NOL4: variants seen among roughly 807,000 people sequenced by gnomAD.
NOL4 encodes nucleolar protein 4.
In NOL4, 17 loss-of-function variants were observed where a neutral mutation model predicts 75.9. The observed-to-expected ratio is 0.22, with a 90% CI of 0.15 to 0.34. The LOEUF (loss-of-function observed/expected upper bound fraction) is 0.34, where lower values mean the gene tolerates loss of function less well. NOL4 is among the 10% of genes least tolerant of loss of function. The pLI is 1.00. For missense variants in NOL4, 614 were observed against 793.5 expected, an observed-to-expected ratio of 0.77 and a Z score of 2.72; for synonymous variants, 292 against 289.9, an observed-to-expected ratio of 1.01 and a Z score of -0.07.
intron 2 of NOL4, among the ~76,000 whole-genome samples, chr18:34,108,074 G>A (rs1412741747): frequency 6.6e-6 from 1 of 152,104 alleles, no homozygotes; most frequent in East Asian, 1.9e-4. Context: ...CTAGCAACAG[G>A]CCCTCCATTA....
intron 9 of NOL4, among the ~76,000 whole-genome samples, chr18:33,925,327 T>G (rs866229814): frequency 6.6e-6 from 1 of 152,136 alleles, no homozygotes; most frequent in Admixed American, 6.6e-5. Flanking sequence ...AAATAAATGA[T>G]AGTTGACAAA....
chr18:34,052,293 A>C (rs965431050), intron 5 of NOL4, among the ~76,000 whole-genome samples: 2 of 152,034 alleles, frequency 1.3e-5, no homozygotes, highest in Non-Finnish European at 2.9e-5. Flanking sequence ...GTTGATCTAT[A>C]AAAGTAAAAG....
At chr18:33,995,682 C>T (rs1299314083) in intron 6 of NOL4, among the ~76,000 whole-genome samples, 2 of 151,758 alleles carry the variant, frequency 1.3e-5, no homozygotes, top group Non-Finnish European at 2.9e-5. Context: ...TCTTCATTGA[C>T]TGAATGGTTA....
chr18:34,103,109 G>A (rs1204768708), intron 4 of NOL4, among the ~76,000 whole-genome samples: 1 of 152,004 alleles, frequency 6.6e-6, no homozygotes, highest in African/African-American at 2.4e-5. Context: ...AATTTTAAAA[G>A]AATGCAATCA....
chr18:34,086,559 T>C (rs1306015102), intron 5 of NOL4, among the ~76,000 whole-genome samples: 2 of 152,310 alleles, frequency 1.3e-5, no homozygotes, highest in East Asian at 3.8e-4. Flanking sequence ...TTTTATTAGA[T>C]TTTCCAATGA....
At chr18:33,867,059 C>T (rs1040015581) in intron 10 of NOL4, among the ~76,000 whole-genome samples, 7 of 152,122 alleles carry the variant, frequency 4.6e-5, no homozygotes, top group African/African-American at 1.7e-4. Flanking sequence ...AATTCAACTT[C>T]ATTTCTCCTG....
chr18:33,881,759 C>T (rs1177329218), intron 10 of NOL4, among the ~76,000 whole-genome samples: 4 of 152,070 alleles, frequency 2.6e-5, no homozygotes, highest in Non-Finnish European at 5.9e-5. Flanking sequence ...CAATCCTAAG[C>T]CAAAAGAACA....
chr18:33,932,611 G>A (rs1054715771), intron 9 of NOL4, among the ~76,000 whole-genome samples: 2 of 151,896 alleles, frequency 1.3e-5, no homozygotes, highest in Non-Finnish European at 2.9e-5. Flanking sequence ...AAAAAATGAG[G>A]TGGTGGAATT....
intron 1 of NOL4, among the ~76,000 whole-genome samples, chr18:34,199,779 G>A (rs999365888): frequency 1.3e-5 from 2 of 151,816 alleles, no homozygotes; most frequent in Admixed American, 1.3e-4. Flanking sequence ...TGAATTCTAG[G>A]AGGTAGGAAG....
intron 9 of NOL4, among the ~76,000 whole-genome samples, chr18:33,908,429 C>T (rs2066195535): frequency 6.6e-6 from 1 of 152,096 alleles, no homozygotes; most frequent in Admixed American, 6.5e-5. Context: ...CTATCCCTTC[C>T]TAATATCACT....
At chr18:34,049,952 G>A (rs1405458050) in intron 5 of NOL4, among the ~76,000 whole-genome samples, 1 of 152,124 alleles carries the variant, frequency 6.6e-6, no homozygotes, top group Non-Finnish European at 1.5e-5. Context: ...AAAGCTTTAT[G>A]ATGTTAACTA....
intron 6 of NOL4, among the ~76,000 whole-genome samples, chr18:33,993,027 T>A (rs1486494938): frequency 6.6e-6 from 1 of 151,936 alleles, no homozygotes; most frequent in East Asian, 1.9e-4. Flanking sequence ...GGCAGATTAA[T>A]TGAAAATATA....
intron 6 of NOL4, among the ~76,000 whole-genome samples, chr18:34,012,975 G>T (rs2074461597): frequency 6.6e-6 from 1 of 151,924 alleles, no homozygotes; most frequent in Non-Finnish European, 1.5e-5. Flanking sequence ...GGTGACCTGG[G>T]TTAAATACCA....
chr18:33,938,041 T>C (rs1418946124), intron 9 of NOL4, among the ~76,000 whole-genome samples: 1 of 152,092 alleles, frequency 6.6e-6, no homozygotes, highest in Non-Finnish European at 1.5e-5. Flanking sequence ...TTCTAGGCTA[T>C]GGGTTTCCCT....
At chr18:33,993,148 C>G (rs2073042538) in intron 6 of NOL4, among the ~76,000 whole-genome samples, 1 of 151,930 alleles carries the variant, frequency 6.6e-6, no homozygotes, top group Non-Finnish European at 1.5e-5. Context: ...GGTAACCATT[C>G]CTTCAAAGGC....
chr18:33,946,385 C>T (rs1298192016), intron 8 of NOL4, among the ~76,000 whole-genome samples: 1 of 151,622 alleles, frequency 6.6e-6, no homozygotes, highest in African/African-American at 2.4e-5. Flanking sequence ...CCTTAACAAT[C>T]TTTGAGAAAA....
intron 1 of NOL4, among the ~76,000 whole-genome samples, chr18:34,159,318 A>C (rs1490354762): frequency 6.6e-6 from 1 of 152,094 alleles, no homozygotes; most frequent in Non-Finnish European, 1.5e-5. Context: ...CGGCCGGAGG[A>C]GGAAGGCCAA....
intron 4 of NOL4, 32 bp from the exon 5 acceptor site, chr18:34,093,629 T>C: frequency 6.6e-7 from 1 of 1,519,678 alleles, no homozygotes; most frequent in South Asian, 1.2e-5. Context: ...CATCAAGCAT[T>C]TTAACGTATA....
intron 10 of NOL4, among the ~76,000 whole-genome samples, chr18:33,875,917 G>T (rs548294356): frequency 6.6e-6 from 1 of 151,980 alleles, no homozygotes; most frequent in African/African-American, 2.4e-5. Flanking sequence ...ATAGGTATTA[G>T]AATAAAGACA....
Sources: allele counts gnomAD v4.1 joint callset (sites outside exome capture counted in the v4.1 genomes callset), GRCh38; gene constraint gnomAD v4.1.1; transcripts MANE v1.5; gene names NCBI Gene and HGNC (gene_info 2026-07-23, HGNC 2026-07-21).